ZBTB4: variants seen among roughly 807,000 people sequenced by gnomAD.
ZBTB4 encodes the protein zinc finger and BTB domain containing 4.
Under a neutral mutation model 59.8 loss-of-function variants are expected in ZBTB4, and 14 were observed. That is an observed-to-expected ratio of 0.23 (90% CI 0.15 to 0.37). ZBTB4 has a LOEUF of 0.37. Among genes scored for constraint, ZBTB4 ranks in the 10% least tolerant of loss-of-function variants. The pLI is 1.00. For synonymous variants in ZBTB4, 587 were observed against 575.2 expected, an observed-to-expected ratio of 1.02 and a Z score of -0.29; for missense variants, 1,198 against 1,380.8, an observed-to-expected ratio of 0.87 and a Z score of 2.10.
Position 7,463,504 on chromosome 17 carries a change from C to T in ZBTB4, c.1478G>A (p.Gly493Glu), listed in dbSNP as rs1276390394. 2 of 1,555,908 alleles carry T rather than the reference C, an allele frequency of 1.3e-6. No homozygotes were observed. Among genetic ancestry groups the T allele is most frequent in the Non-Finnish European group, 1.7e-6 (2 of 1,151,578 alleles). The change falls in exon 4 of 4, where the codon GGG (glycine) becomes GAG (glutamate). Residue 493 changes from glycine (G) to glutamate (E), a missense_variant. This residue lies in a region of ZBTB4 where 550 missense variants were observed against 541.8 expected (regional missense o/e 1.02). Transcript: ENST00000380599. ...CCCTCCTGTGCTGGCCGTCCCACTC[C>T]CCCCTCCACCACTGCTACTGCCCCC... ...VHGGSSSGGG[G>E]SGTASTGGSQ...
intron 3 of ZBTB4, among the ~76,000 whole-genome samples, chr17:7,464,927 C>T (rs957291677): frequency 1.3e-4 from 19 of 150,414 alleles, no homozygotes; most frequent in Non-Finnish European, 2.5e-4. Context: ...GAGGCCAAGG[C>T]GGGTGGATCA....
rs770888968 is a variant in ZBTB4 at position 7,462,229 on chromosome 17, T to C, written c.2753A>G (p.Tyr918Cys). 5 of 1,613,282 alleles carry C rather than the reference T, an allele frequency of 3.1e-6. No individual in the cohort carries two copies. The highest frequency in any genetic ancestry group is 1.7e-6 in the Non-Finnish European group (2 of 1,179,788). ...ATAGACGAGCGGGTAGGGCTCAGGG[T>C]AGAAAGTGACTTTGGCAGCCCCTAT... ...EGIGAAKVTF[Y>C]PEPYPLVYGP... The change falls in exon 4 of 4, where the codon TAC becomes TGC. Residue 918 changes from tyrosine to cysteine, a missense_variant. Tyr to Cys is a radical substitution (Grantham distance 194, BLOSUM62 -2). Around this residue, in one of 9 missense-constraint regions of ZBTB4, gnomAD observed 211 missense variants for 236.1 expected, o/e 0.89. Transcript: ENST00000380599. The surrounding 1 kb of genome is among the most constrained non-coding windows in gnomAD (Gnocchi z 7.5).
chr17:7,477,624 C>G (rs1346518161), intron 1 of ZBTB4, among the ~76,000 whole-genome samples: 1 of 152,204 alleles, frequency 6.6e-6, no homozygotes, highest in Non-Finnish European at 1.5e-5. Context: ...AAAACCTGTT[C>G]TGAGGAATCT....
intron 3 of ZBTB4, among the ~76,000 whole-genome samples, 195 bp downstream of exon 3, chr17:7,465,516 G>A (rs2070107201): frequency 6.6e-6 from 1 of 151,354 alleles, no homozygotes; most frequent in Non-Finnish European, 1.5e-5. Context: ...GGGTCTCTAT[G>A]TTGTCCAGGC....
rs751688444 is a variant in ZBTB4, at chr17:7,466,188, G to T, written c.614C>A (p.Pro205His). ...CCACTCCCCAGCTGGCCTGGGCCCGGGCCCAAAGCTGTCCTCTTCAGGCTG... is the reference window on the plus strand; with the variant it reads ...CCACTCCCCAGCTGGCCTGGGCCCGTGCCCAAAGCTGTCCTCTTCAGGCTG... ...TSQPEEDSFG[P>H]GPRPAGEWEG... is the part of the protein sequence containing the mutation. The change falls in exon 3 of 4, where the codon CCC becomes CAC. Residue 205 changes from proline (P) to histidine (H), a missense_variant. By Grantham distance (77) the Pro-to-His change is moderately conservative. This residue lies in a region of ZBTB4 where 204 missense variants were observed against 205.5 expected (regional missense o/e 0.99). Coordinates refer to ENST00000380599, the MANE Select transcript of ZBTB4 (RefSeq NM_001128833.2). This position sits in a 1 kb window ranked among gnomAD's most constrained non-coding sequence, Gnocchi z 9.1. 3 of 1,613,346 alleles carry T rather than the reference G, an allele frequency of 1.9e-6. No individual in the cohort carries two copies. The South Asian group carries it at 3.3e-5, about 18-fold the overall frequency.
intron 1 of ZBTB4, among the ~76,000 whole-genome samples, chr17:7,479,218 C>CG (rs1391801200): frequency 6.6e-6 from 1 of 152,160 alleles, no homozygotes; most frequent in East Asian, 1.9e-4. Flanking sequence ...TCGCGTCCCA[C>CG]GGCCGCCCCT....
chr17:7,478,553 C>T (rs1189909565), intron 1 of ZBTB4, among the ~76,000 whole-genome samples: 1 of 152,172 alleles, frequency 6.6e-6, no homozygotes, highest in Non-Finnish European at 1.5e-5. Context: ...TCCAAAAGGG[C>T]ACATACACTG....
rs748316428 is a variant in ZBTB4, at chr17:7,463,351, G to C, written c.1631C>G (p.Thr544Ser). The change falls in exon 4 of 4, where the codon ACC becomes AGC. Residue 544 changes from threonine (T) to serine (S), a missense_variant. Around this residue, in one of 9 missense-constraint regions of ZBTB4, gnomAD observed 550 missense variants for 541.8 expected, o/e 1.02. Coordinates refer to ENST00000380599, the MANE Select transcript of ZBTB4 (RefSeq NM_001128833.2). ...TSPATAVSPA[T>S]AAGPAMATTT... ...GGTGGCCATGGCTGGCCCTGCAGCG[G>C]TGGCTGGGCTGACTGCTGTGGCTGG... 7 of 1,607,056 alleles carry C rather than the reference G, an allele frequency of 4.4e-6. No homozygotes were observed. Among genetic ancestry groups the C allele is most frequent in the South Asian group, 3.3e-5 (3 of 89,828 alleles).
At chr17:7,473,049 G>A (rs568956776) in intron 1 of ZBTB4, among the ~76,000 whole-genome samples, 1 of 151,520 alleles carries the variant, frequency 6.6e-6, no homozygotes, top group East Asian at 1.9e-4. Context: ...CCGCCTCCCG[G>A]GTTCAAGAGA....
chr17:7,472,871 T>C (rs981413345), intron 1 of ZBTB4, among the ~76,000 whole-genome samples: 8 of 151,496 alleles, frequency 5.3e-5, no homozygotes, highest in Admixed American at 1.3e-4. Flanking sequence ...CTCGAACTCC[T>C]GGGCTCAAGT....
At chr17:7,483,092 A>G, upstream of ZBTB4, 1 of 1,573,580 alleles carries the variant, frequency 6.4e-7, no homozygotes, top group South Asian at 1.2e-5. Context: ...TGACTGGAAA[A>G]GAACTGGTGT....
At position 7,466,481 on chromosome 17, in the gene ZBTB4, A is replaced by AGAGGAAGAAGAAGAAGAAGCAGAG. The variant is rs754422582; in HGVS notation, c.297_320dup (p.Ala101_Ser108dup). On this transcript the variant is annotated inframe_insertion, in exon 3 of 4. Transcript: ENST00000380599. This position sits in a 1 kb window ranked among gnomAD's most constrained non-coding sequence, Gnocchi z 9.1. ...AGGCTGGAGGGGGAGAGGAAGAGGA[A>AGAGGAAGAAGAAGAAGAAGCAGAG]GAGGAAGAAGAAGAAGAAGCAGAGG... 13 of 1,609,018 alleles carry AGAGGAAGAAGAAGAAGAAGCAGAG rather than the reference A, an allele frequency of 8.1e-6. No homozygotes were observed. In the South Asian group the frequency reaches 9.9e-5, roughly 12 times the overall value.
intron 2 of ZBTB4, 182 bp downstream of exon 2, chr17:7,467,075 C>T: frequency 2.4e-6 from 2 of 850,658 alleles, no homozygotes; most frequent in Non-Finnish European, 2.8e-6. Flanking sequence ...GTCATGACCT[C>T]TGAAGTCACA....
At position 7,472,175 on chromosome 17, in the gene ZBTB4, T is replaced by C. The variant is rs556374643; in HGVS notation, c.-80-4848A>G. On this transcript the variant is annotated intron_variant, in intron 1 of 3. Transcript: ENST00000380599. The stretch of plus-strand genomic sequence containing the variant: ...CCCGACCCTACTTTATTTTGCTCCT[T>C]GGCACTTAGTAACACTTTTTCTTTT... Among the ~76,000 whole-genome samples the C allele has an allele frequency of 4.6e-5, 7 of 152,148 alleles. No individual in the cohort carries two copies. The South Asian group carries it at 1.5e-3, about 32-fold the overall frequency.
intron 1 of ZBTB4, among the ~76,000 whole-genome samples, chr17:7,473,723 A>AT (rs2070231221): frequency 1.3e-5 from 2 of 151,360 alleles, no homozygotes; most frequent in Non-Finnish European, 2.9e-5. Context: ...TAATTTTTGT[A>AT]TTTTTTGTAG....
intron 3 of ZBTB4, among the ~76,000 whole-genome samples, chr17:7,464,573 C>G (rs1296654497): frequency 6.6e-6 from 1 of 151,872 alleles, no homozygotes; most frequent in Non-Finnish European, 1.5e-5. Context: ...CGCAGTGGCT[C>G]ATCCCTGTAC....
chr17:7,464,120 C>T (rs764377655), intron 3 of ZBTB4, among the ~76,000 whole-genome samples: 6 of 152,158 alleles, frequency 3.9e-5, no homozygotes, highest in Non-Finnish European at 7.4e-5. Context: ...GCCTAACTCA[C>T]GGAGCCTTCT....
chr17:7,478,030 G>A (rs1192072899), intron 1 of ZBTB4, among the ~76,000 whole-genome samples: 2 of 151,886 alleles, frequency 1.3e-5, no homozygotes, highest in Non-Finnish European at 2.9e-5. Context: ...AATCCCCTCC[G>A]CAGCCCCACC....
intron 1 of ZBTB4, among the ~76,000 whole-genome samples, chr17:7,478,109 G>A (rs1040343279): frequency 1.3e-5 from 2 of 152,004 alleles, no homozygotes; most frequent in African/African-American, 2.4e-5. Context: ...TGGGTCTGAG[G>A]CCCACACTGC....
Sources: gnomAD v4.1 joint callset for allele counts (sites outside exome capture counted in the v4.1 genomes callset) on GRCh38, gnomAD v4.1.1 for gene constraint, gnomAD v4.1.1 regional missense constraint, Gnocchi (gnomAD v3.1) non-coding constraint, MANE v1.5 for transcripts, NCBI Gene and HGNC (gene_info 2026-07-23, HGNC 2026-07-21) for gene names.